Variants in ATPAF1 observed in about 807,000 individuals in gnomAD.
ATPAF1 encodes the protein homolog of yeast ATP11.
A neutral mutation model predicts 43.9 loss-of-function variants in ATPAF1; 26 were observed. That is an observed-to-expected ratio of 0.59 (90% CI 0.43 to 0.82). ATPAF1 has a LOEUF of 0.82. Among genes scored for constraint, ATPAF1 ranks in the 40% least tolerant of loss-of-function variants. ATPAF1 has a pLI of 0.00. For synonymous variants in ATPAF1, 157 were observed against 168.0 expected (o/e 0.93, Z 0.50); for missense variants, 366 against 435.0 (o/e 0.84, Z 1.41).
intron 4 of ATPAF1, among the ~76,000 whole-genome samples, chr1:46,656,914 C>G (rs903726726): frequency 6.6e-6 from 1 of 152,182 alleles, no homozygotes; most frequent in East Asian, 1.9e-4. Context: ...TCATTTATCT[C>G]TGTATCTGGC....
intron 2 of ATPAF1, chr1:46,663,895 T>C: frequency 7.8e-7 from 1 of 1,284,254 alleles, no homozygotes; most frequent in South Asian, 1.2e-5. Context: ...CGCTGGCCTC[T>C]CCTACACCAG....
intron 2 of ATPAF1, among the ~76,000 whole-genome samples, chr1:46,661,502 G>T (rs1676386424): frequency 6.6e-6 from 1 of 152,150 alleles, no homozygotes; most frequent in African/African-American, 2.4e-5. Context: ...TCACAGTGTA[G>T]TCGTGCCCTA....
intron 2 of ATPAF1, among the ~76,000 whole-genome samples, chr1:46,661,117 C>T (rs548069786): frequency 5.3e-5 from 8 of 151,142 alleles, no homozygotes; most frequent in South Asian, 2.1e-4. Context: ...CTGTCGCCCA[C>T]GCTGGAGTGC....
exon 4 of ATPAF1, chr1:46,658,146 G>A (rs1159310443): frequency 6.2e-7 from 1 of 1,609,910 alleles, no homozygotes; most frequent in Non-Finnish European, 8.5e-7. Context: ...TTCTTCTGCA[G>A]TTTTTTCTTT....
intron 4 of ATPAF1, among the ~76,000 whole-genome samples, chr1:46,657,834 AACCTATTTGGAAAGGT>A (rs1255393623): frequency 6.6e-6 from 1 of 152,180 alleles, no homozygotes; most frequent in East Asian, 1.9e-4. Flanking sequence ...GGAGAAGGGA[AACCTATTTGGAAAGGT>A]AGTGCAGTAA....
chr1:46,665,522 T>C, intron 1 of ATPAF1, 158 bp from the exon 2 acceptor site: 2 of 1,202,862 alleles, frequency 1.7e-6, no homozygotes, highest in Non-Finnish European at 2.3e-6. Flanking sequence ...GGCCTAGAAA[T>C]AAAGAAACTG....
intron 2 of ATPAF1, among the ~76,000 whole-genome samples, chr1:46,659,850 T>C (rs540252942): frequency 6.6e-6 from 1 of 152,332 alleles, no homozygotes; most frequent in African/African-American, 2.4e-5. Context: ...TACCCACAAA[T>C]TAGAGAAAAG....
intron 4 of ATPAF1, among the ~76,000 whole-genome samples, chr1:46,657,872 A>G (rs1027789369): frequency 3.3e-5 from 5 of 152,232 alleles, no homozygotes; most frequent in African/African-American, 1.2e-4. Flanking sequence ...CCAGGTACAG[A>G]GTACTGATGA....
chr1:46,632,947 A>C (rs1675776653), downstream of ATPAF1: 1 of 152,662 alleles, frequency 6.6e-6, no homozygotes, highest in South Asian at 2.1e-4. Context: ...GAACAGAGGA[A>C]CCTAAATATC....
chr1:46,667,575 C>G (rs1384544388), intron 1 of ATPAF1, among the ~76,000 whole-genome samples: 6 of 152,140 alleles, frequency 3.9e-5, no homozygotes, highest in Non-Finnish European at 7.4e-5. Context: ...AATGGGTGAT[C>G]CGACTGTGAC....
intron 3 of ATPAF1, 30 bp from the exon 4 acceptor site, chr1:46,658,219 A>G (rs376581462): frequency 1.4e-6 from 2 of 1,475,368 alleles, no homozygotes; most frequent in Non-Finnish European, 1.8e-6. Context: ...AGCAATTAAC[A>G]CATAATTAAA....
At chr1:46,665,952 G>A in intron 1 of ATPAF1, 1 of 1,045,684 alleles carries the variant, frequency 9.6e-7, no homozygotes, top group Non-Finnish European at 1.3e-6. Context: ...CTTCAGGTTT[G>A]AAGTCCAGGC....
intron 6 of ATPAF1, among the ~76,000 whole-genome samples, chr1:46,652,006 G>A (rs1676178337): frequency 6.6e-6 from 1 of 151,954 alleles, no homozygotes; most frequent in South Asian, 2.1e-4. Context: ...CAGTTAGAAT[G>A]GCAATTATTG....
rs747218639 is a variant in ATPAF1 at position 46,658,081 on chromosome 1, G to A, written c.489+46C>T. The stretch of plus-strand genomic sequence containing the variant: ...AATGTACTTTCAGATTTGGTTCACA[G>A]AATTCACATTTTCATAGAGTAGGCC... On this transcript the variant is annotated intron_variant, in intron 4 of 8. Transcript: ENST00000574428. 4 of 1,558,934 alleles carry A rather than the reference G, an allele frequency of 2.6e-6. No homozygotes were observed. In the South Asian group the frequency reaches 4.6e-5, roughly 18 times the overall value.
intron 1 of ATPAF1, chr1:46,665,900 T>C (rs1245090719): frequency 5.8e-6 from 8 of 1,384,642 alleles, no homozygotes; most frequent in Non-Finnish European, 6.5e-6. Context: ...CTCTTGGAGA[T>C]GAAACAACAG....
chr1:46,638,713 G>A (rs1272863636), intron 8 of ATPAF1, among the ~76,000 whole-genome samples: 1 of 152,054 alleles, frequency 6.6e-6, no homozygotes, highest in Non-Finnish European at 1.5e-5. Context: ...TCTCATGGAG[G>A]GTTATAGAAA....
intron 7 of ATPAF1, among the ~76,000 whole-genome samples, chr1:46,644,201 T>C (rs1254843589): frequency 6.6e-6 from 1 of 152,170 alleles, no homozygotes; most frequent in Non-Finnish European, 1.5e-5. Context: ...GTCTCACAGA[T>C]CTCCAAGTCT....
intron 3 of ATPAF1, 147 bp from the exon 4 acceptor site, chr1:46,658,336 T>G (rs1379907359): frequency 1.1e-5 from 8 of 708,310 alleles, no homozygotes; most frequent in Non-Finnish European, 1.6e-5. Context: ...ACCCACATGC[T>G]CAGAGAAAGT....
Position 46,645,274 on chromosome 1 carries a change from A to T in ATPAF1, c.589-18T>A. The stretch of plus-strand genomic sequence containing the variant: ...CATAGAAACTGTGAAAAACAGATAT[A>T]CAAGGAGACAGATGAATAAATGAAA... On this transcript the variant is annotated intron_variant, in intron 6 of 8. Transcript: ENST00000574428. The T allele has an allele frequency of 6.4e-7, 1 of 1,554,496 alleles. No homozygotes were observed.
Sources: allele counts gnomAD v4.1 joint callset (sites outside exome capture counted in the v4.1 genomes callset), GRCh38; gene constraint gnomAD v4.1.1; transcripts MANE v1.5; gene names NCBI Gene and HGNC (gene_info 2026-07-23, HGNC 2026-07-21).